SNX9: variants seen among roughly 807,000 people sequenced by gnomAD.
The protein encoded by SNX9 is sorting nexin-9.
Under a neutral mutation model 89.4 loss-of-function variants are expected in SNX9, and 44 were observed. The observed-to-expected ratio is 0.49, with a 90% CI of 0.39 to 0.63. The LOEUF (loss-of-function observed/expected upper bound fraction) is 0.63. Ranked by LOEUF, SNX9 falls within the 30% of genes least tolerant of loss-of-function variation. SNX9 has a pLI of 0.00. For missense variants in SNX9, 578 were observed against 736.1 expected (o/e 0.79, Z 2.49); for synonymous variants, 236 against 247.8 (o/e 0.95, Z 0.45).
At chr6:157,916,139 AT>A (rs1783466339) in intron 9 of SNX9, among the ~76,000 whole-genome samples, 1 of 150,644 alleles carries the variant, frequency 6.6e-6, no homozygotes, top group Non-Finnish European at 1.5e-5. Flanking sequence ...GGTTCACACC[AT>A]TTTCGTGCCT....
chr6:157,924,718 C>T (rs1175602976), intron 10 of SNX9: 1 of 152,252 alleles, frequency 6.6e-6, no homozygotes, highest in Non-Finnish European at 1.5e-5. Flanking sequence ...CATGCCACCA[C>T]AGTTCCGAAA....
At chr6:157,923,726 A>C (rs1380587644) in intron 10 of SNX9, among the ~76,000 whole-genome samples, 1 of 152,228 alleles carries the variant, frequency 6.6e-6, no homozygotes, top group Non-Finnish European at 1.5e-5. Flanking sequence ...GTTTAAAAGC[A>C]TGGCATTGGC....
intron 1 of SNX9, among the ~76,000 whole-genome samples, chr6:157,857,165 A>C (rs992694518): frequency 1.3e-5 from 2 of 152,214 alleles, no homozygotes; most frequent in African/African-American, 4.8e-5. Flanking sequence ...GTTTCAGTCC[A>C]TTGTGGTCAT....
rs527454714 is a variant in SNX9 at position 157,823,818 on chromosome 6, G to T, written c.12+372G>T. Among the ~76,000 whole-genome samples, 564 of 152,112 alleles carry T rather than the reference G, an allele frequency of 3.7e-3. 2 individuals are homozygous for T. The highest frequency in any genetic ancestry group is 0.013 in the African/African-American group (536 of 41,524). Reference sequence around the variant, plus strand: ...AGGCCCCCGAGGCGACTGGCGCTCTGTGGCGTCCGGCGTCCCCGCCGCCCC... The same window carrying T: ...AGGCCCCCGAGGCGACTGGCGCTCTTTGGCGTCCGGCGTCCCCGCCGCCCC... On this transcript the variant is annotated intron_variant, in intron 1 of 17. Coordinates refer to ENST00000392185, the MANE Select transcript of SNX9 (RefSeq NM_016224.5). The surrounding 1 kb of genome is among the most constrained non-coding windows in gnomAD (Gnocchi z 4.6).
intron 5 of SNX9, among the ~76,000 whole-genome samples, chr6:157,899,760 C>T (rs912106106): frequency 2.6e-5 from 4 of 151,916 alleles, no homozygotes. Flanking sequence ...GCCAACAAAG[C>T]GAGGCTCCGT....
At position 157,910,038 on chromosome 6, in the gene SNX9, A is replaced by G; in HGVS notation, c.949+13A>G. 6.3e-7 allele frequency: 1 copy of G among 1,584,990 alleles called. No homozygotes were observed. The highest frequency in any genetic ancestry group is 1.1e-5 in the South Asian group (1 of 90,400). ...AAACAAGTCACAGGTGAGTGTGTGT[A>G]ATGCTAAACCCAGGATGACAAATAG... On this transcript the variant is annotated intron_variant, in intron 9 of 17. Coordinates refer to ENST00000392185, the MANE Select transcript of SNX9 (RefSeq NM_016224.5).
chr6:157,938,785 T>G (rs113710023), intron 16 of SNX9, 38 bp downstream of exon 16: 347,446 of 1,488,738 alleles, frequency 0.23, 41,040 homozygotes, highest in African/African-American at 0.28. Context: ...CTGGTGGAAG[T>G]TTTTTTTTCC....
At position 157,901,276 on chromosome 6, in the gene SNX9, A is replaced by G. The variant is rs564672311; in HGVS notation, c.473-622A>G. ...AGCAATAGTTTCAGGGGGTCTCCCT[A>G]CACCAGCCCATAGGCTACCTTTTCA... On this transcript the variant is annotated intron_variant, in intron 5 of 17. Coordinates refer to ENST00000392185, the MANE Select transcript of SNX9 (RefSeq NM_016224.5). Among the ~76,000 whole-genome samples the G allele has an allele frequency of 4.6e-5, 7 of 152,348 alleles. No homozygotes were observed. In the East Asian group the frequency reaches 9.6e-4, roughly 21 times the overall value.
chr6:157,850,702 C>T (rs570328145), intron 1 of SNX9, among the ~76,000 whole-genome samples: 82 of 152,148 alleles, frequency 5.4e-4, no homozygotes, highest in Non-Finnish European at 9.8e-4. Flanking sequence ...AAGCTCCATA[C>T]ATCTGATAAT....
intron 1 of SNX9, among the ~76,000 whole-genome samples, chr6:157,824,390 C>T (rs903609188): frequency 7.2e-5 from 11 of 152,208 alleles, no homozygotes; most frequent in South Asian, 2.1e-4. Flanking sequence ...ATCTGTGATA[C>T]ACTGTGAGGA....
intron 4 of SNX9, among the ~76,000 whole-genome samples, chr6:157,893,404 A>G (rs1350149722): frequency 1.3e-5 from 2 of 152,200 alleles, no homozygotes; most frequent in African/African-American, 2.4e-5. Context: ...GTAGAATGAC[A>G]TCATACTTGC....
At chr6:157,861,328 T>G (rs980791153) in intron 1 of SNX9, among the ~76,000 whole-genome samples, 1 of 152,220 alleles carries the variant, frequency 6.6e-6, no homozygotes, top group Non-Finnish European at 1.5e-5. Context: ...GAGAACATGA[T>G]AATTAATTGA....
At chr6:157,845,128 G>C (rs893386448) in intron 1 of SNX9, among the ~76,000 whole-genome samples, 2 of 114,102 alleles carry the variant, frequency 1.8e-5, no homozygotes, top group African/African-American at 7.3e-5. Context: ...TTTTTTTTAA[G>C]ACGGAGTTCC....
intron 10 of SNX9, 29 bp from the exon 11 acceptor site, chr6:157,927,082 C>A: frequency 6.4e-7 from 1 of 1,573,068 alleles, no homozygotes; most frequent in Non-Finnish European, 8.8e-7. Context: ...GTGCTCTCCA[C>A]TTGAACCTTA....
intron 4 of SNX9, among the ~76,000 whole-genome samples, chr6:157,884,382 CTA>C (rs1782689306): frequency 6.6e-6 from 1 of 152,116 alleles, no homozygotes; most frequent in African/African-American, 2.4e-5. Context: ...TCTCAAAAGT[CTA>C]TTTTTAGGCC....
chr6:157,886,663 C>G (rs951232186), intron 4 of SNX9, among the ~76,000 whole-genome samples: 1 of 152,196 alleles, frequency 6.6e-6, no homozygotes, highest in African/African-American at 2.4e-5. Flanking sequence ...CCTGTATCAG[C>G]TGGAGCTAGT....
At chr6:157,902,856 C>T (rs1285971001) in intron 6 of SNX9, among the ~76,000 whole-genome samples, 1 of 151,810 alleles carries the variant, frequency 6.6e-6, no homozygotes, top group Non-Finnish European at 1.5e-5. Context: ...TTAGTAGAGA[C>T]GAGGTTTTAC....
intron 10 of SNX9, among the ~76,000 whole-genome samples, chr6:157,925,532 A>C (rs561677236): frequency 1.3e-5 from 2 of 152,222 alleles, no homozygotes; most frequent in Admixed American, 6.5e-5. Context: ...TCTACATAAC[A>C]GCTTCATTCA....
chr6:157,889,349 T>C (rs1406565819), intron 4 of SNX9, among the ~76,000 whole-genome samples: 1 of 146,606 alleles, frequency 6.8e-6, no homozygotes, highest in Non-Finnish European at 1.5e-5. Flanking sequence ...GAGAATTGCT[T>C]AAACCTGGGA....
Sources: gnomAD v4.1 joint callset for allele counts (sites outside exome capture counted in the v4.1 genomes callset) on GRCh38, gnomAD v4.1.1 for gene constraint, Gnocchi (gnomAD v3.1) non-coding constraint, MANE v1.5 for transcripts, NCBI Gene and HGNC (gene_info 2026-07-23, HGNC 2026-07-21) for gene names.